MYO16: variants seen among roughly 807,000 people sequenced by gnomAD.
MYO16 encodes myosin XVI.
A neutral mutation model predicts 205.3 loss-of-function variants in MYO16; 94 were observed. The observed-to-expected ratio is 0.46, with a 90% CI of 0.39 to 0.54. The LOEUF (loss-of-function observed/expected upper bound fraction) is 0.54. Ranked by LOEUF, MYO16 falls within the 20% of genes least tolerant of loss-of-function variation. The pLI is 0.00. For synonymous variants in MYO16, 988 were observed against 954.0 expected, an observed-to-expected ratio of 1.04 and a Z score of -0.66; for missense variants, 2,315 against 2,387.5, an observed-to-expected ratio of 0.97 and a Z score of 0.63.
chr13:108,496,452 G>C, the MYO16 span, among the ~76,000 whole-genome samples: 1 of 152,158 alleles, frequency 6.6e-6, no homozygotes, highest in African/African-American at 2.4e-5. Context: ...TGCCTCTTGC[G>C]CGGATTCTGC....
chr13:108,908,361 G>A (rs1398618310), intron 15 of MYO16, among the ~76,000 whole-genome samples: 1 of 152,170 alleles, frequency 6.6e-6, no homozygotes, highest in Non-Finnish European at 1.5e-5. Context: ...TAAAAACTGT[G>A]ATATCTGATT....
At chr13:108,901,964 A>T (rs1880732396) in intron 15 of MYO16, among the ~76,000 whole-genome samples, 1 of 152,208 alleles carries the variant, frequency 6.6e-6, no homozygotes, top group Non-Finnish European at 1.5e-5. Context: ...ATGTTCAGAA[A>T]ATGTTTATCA....
At chr13:108,794,563 A>C (rs1444338434) in intron 6 of MYO16, among the ~76,000 whole-genome samples, 1 of 152,234 alleles carries the variant, frequency 6.6e-6, no homozygotes, top group African/African-American at 2.4e-5. Flanking sequence ...AAATTCAAGC[A>C]AACTCCTGTC....
chr13:108,860,703 C>G (rs1434748874), intron 11 of MYO16, among the ~76,000 whole-genome samples: 1 of 152,098 alleles, frequency 6.6e-6, no homozygotes, highest in Non-Finnish European at 1.5e-5. Context: ...GAAAAGATTC[C>G]CTCTTCAATA....
At chr13:108,926,385 T>C (rs1882006485) in intron 16 of MYO16, among the ~76,000 whole-genome samples, 2 of 152,196 alleles carry the variant, frequency 1.3e-5, no homozygotes, top group Non-Finnish European at 2.9e-5. Context: ...TGCTCTAAAG[T>C]TGCTTAAAGT....
At chr13:108,927,698 A>G (rs1273068632) in intron 16 of MYO16, among the ~76,000 whole-genome samples, 1 of 152,270 alleles carries the variant, frequency 6.6e-6, no homozygotes, top group Admixed American at 6.5e-5. Flanking sequence ...ACGGACAGAC[A>G]TGGCTCTGTC....
intron 1 of MYO16, among the ~76,000 whole-genome samples, chr13:108,615,503 GAATA>G (rs1879318540): frequency 6.6e-6 from 1 of 151,938 alleles, no homozygotes; most frequent in Non-Finnish European, 1.5e-5. Flanking sequence ...GAACATGAAT[GAATA>G]TTCATAGCAT....
At chr13:108,534,579 G>A in the MYO16 span, among the ~76,000 whole-genome samples, 1 of 151,540 alleles carries the variant, frequency 6.6e-6, no homozygotes, top group Non-Finnish European at 1.5e-5. Context: ...CCCAGGAAGG[G>A]TGAAAGTGGG....
the MYO16 span, among the ~76,000 whole-genome samples, chr13:108,590,172 A>G: frequency 0.027 from 4,074 of 152,344 alleles, 177 homozygotes; most frequent in African/African-American, 0.091. Flanking sequence ...CACAGATTAA[A>G]TTGCCAGTAT....
chr13:108,635,103 A>T (rs1880163188), intron 1 of MYO16, among the ~76,000 whole-genome samples: 1 of 152,234 alleles, frequency 6.6e-6, no homozygotes, highest in Admixed American at 6.5e-5. Flanking sequence ...TTATAGGAAT[A>T]TTGATTCACA....
chr13:108,748,359 C>T (rs1885128582), intron 4 of MYO16, among the ~76,000 whole-genome samples: 1 of 151,858 alleles, frequency 6.6e-6, no homozygotes, highest in Non-Finnish European at 1.5e-5. Context: ...AACATCAAAG[C>T]TTAGAGAGAA....
chr13:108,616,166 T>C (rs1306759847), intron 1 of MYO16, among the ~76,000 whole-genome samples: 4 of 152,236 alleles, frequency 2.6e-5, no homozygotes, highest in African/African-American at 7.2e-5. Flanking sequence ...AGTCAACTTT[T>C]ATGAAAACAT....
At chr13:108,630,041 T>G (rs1879905077) in intron 1 of MYO16, among the ~76,000 whole-genome samples, 169 bp downstream of exon 1, 1 of 152,070 alleles carries the variant, frequency 6.6e-6, no homozygotes, top group Admixed American at 6.6e-5. Flanking sequence ...CCTTTTAATT[T>G]TAGATTGTGA....
At chr13:109,026,408 C>T (rs1257477955) in intron 23 of MYO16, among the ~76,000 whole-genome samples, 2 of 152,022 alleles carry the variant, frequency 1.3e-5, no homozygotes, top group African/African-American at 4.8e-5. Flanking sequence ...CCAAGGAACA[C>T]CTGGAACTCC....
chr13:108,956,103 C>CT (rs1883337407), intron 16 of MYO16, among the ~76,000 whole-genome samples: 1 of 152,022 alleles, frequency 6.6e-6, no homozygotes. Flanking sequence ...TACATTTAAA[C>CT]TTTAACAAGT....
chr13:108,935,139 T>A lies in MYO16; in HGVS notation c.1926-22549T>A, dbSNP rs74365596. 2.5e-3 allele frequency among the ~76,000 whole-genome samples: 376 copies of A among 152,324 alleles called. 4 individuals carry two copies. Among genetic ancestry groups the A allele is most frequent in the African/African-American group, 8.7e-3 (362 of 41,572 alleles). ...TGTTTCATATGAATTTTAAACAGTT[T>A]TTTCCAATTCTGTAAAAAGTGACAT... On this transcript the variant is annotated intron_variant, in intron 16 of 34. Coordinates refer to ENST00000457511, the MANE Select transcript of MYO16 (RefSeq NM_001198950.3).
chr13:109,129,526 G>A (rs117381378), intron 31 of MYO16, among the ~76,000 whole-genome samples: 134 of 152,258 alleles, frequency 8.8e-4, no homozygotes, highest in Non-Finnish European at 1.6e-3. Context: ...CTGAGAAAGC[G>A]GGGAGTGTCC....
intron 31 of MYO16, among the ~76,000 whole-genome samples, chr13:109,129,719 GA>G (rs1257922270): frequency 6.6e-6 from 1 of 152,034 alleles, no homozygotes; most frequent in Non-Finnish European, 1.5e-5. Context: ...ACCAGACATT[GA>G]AAAAACAGTA....
At chr13:108,938,570 G>A (rs969304345) in intron 16 of MYO16, among the ~76,000 whole-genome samples, 2 of 152,228 alleles carry the variant, frequency 1.3e-5, no homozygotes, top group Admixed American at 1.3e-4. Context: ...ATGTGGGGGT[G>A]GCCTAACCTC....
Sources: gnomAD v4.1 joint callset for allele counts (sites outside exome capture counted in the v4.1 genomes callset) on GRCh38, gnomAD v4.1.1 for gene constraint, MANE v1.5 for transcripts, NCBI Gene and HGNC (gene_info 2026-07-23, HGNC 2026-07-21) for gene names.